Variants in PPP1R9A observed in about 807,000 individuals in gnomAD.
The protein encoded by PPP1R9A is neurabin-1.
In PPP1R9A, 59 loss-of-function variants were observed where a neutral mutation model predicts 141.9. That is an observed-to-expected ratio of 0.42 (90% CI 0.34 to 0.52). The LOEUF (loss-of-function observed/expected upper bound fraction) is 0.52. Among genes scored for constraint, PPP1R9A ranks in the 20% least tolerant of loss-of-function variants. The pLI is 0.10. For missense variants in PPP1R9A, 1,444 were observed against 1,611.9 expected, an observed-to-expected ratio of 0.90 and a Z score of 1.78; for synonymous variants, 500 against 569.7, an observed-to-expected ratio of 0.88 and a Z score of 1.74.
chr7:95,061,565 A>G (rs1812233445), intron 2 of PPP1R9A, among the ~76,000 whole-genome samples: 1 of 151,998 alleles, frequency 6.6e-6, no homozygotes, highest in Admixed American at 6.6e-5. Context: ...GGGAGACTCC[A>G]TCTCTACAAA....
At position 95,025,514 on chromosome 7, in the gene PPP1R9A, T is replaced by C. The variant is rs182829699; in HGVS notation, c.1396-85745T>C. On this transcript the variant is annotated intron_variant, in intron 2 of 19. Transcript: ENST00000433360. Reference sequence around the variant, plus strand: ...CTGGCTGCCCTTAACATTTTTTCCTTTATTTCAACCTTGGTGAATCTGACG... The same window carrying C: ...CTGGCTGCCCTTAACATTTTTTCCTCTATTTCAACCTTGGTGAATCTGACG... 8.5e-5 allele frequency among the ~76,000 whole-genome samples: 13 copies of C among 152,292 alleles called. No homozygotes were observed. In the East Asian group the frequency reaches 2.5e-3, roughly 29 times the overall value.
intron 2 of PPP1R9A, among the ~76,000 whole-genome samples, chr7:94,984,166 T>C (rs1800498715): frequency 6.6e-6 from 1 of 152,236 alleles, no homozygotes; most frequent in Non-Finnish European, 1.5e-5. Flanking sequence ...CAGCCTTGCA[T>C]CCCAGGGATG....
intron 4 of PPP1R9A, among the ~76,000 whole-genome samples, chr7:95,123,980 A>G (rs1241043507): frequency 6.6e-6 from 1 of 152,166 alleles, no homozygotes; most frequent in Admixed American, 6.5e-5. Context: ...AAAATTTTAG[A>G]GGTCAGAGAA....
At chr7:94,944,290 A>T (rs1252489617) in intron 2 of PPP1R9A, among the ~76,000 whole-genome samples, 1 of 152,032 alleles carries the variant, frequency 6.6e-6, no homozygotes, top group African/African-American at 2.4e-5. Flanking sequence ...CTACTCTAAC[A>T]CATATCCCCT....
At chr7:95,209,057 C>A (rs570335812) in intron 7 of PPP1R9A, among the ~76,000 whole-genome samples, 25 of 150,818 alleles carry the variant, frequency 1.7e-4, no homozygotes, top group African/African-American at 5.8e-4. Flanking sequence ...CAGAGGACTT[C>A]AATGAAAATG....
chr7:95,099,347 C>A (rs1407374572), intron 2 of PPP1R9A, among the ~76,000 whole-genome samples: 2 of 152,152 alleles, frequency 1.3e-5, no homozygotes, highest in Non-Finnish European at 2.9e-5. Flanking sequence ...CCAAGGCCAC[C>A]AATTTATTTC....
chr7:94,960,226 T>A (rs1260979638), intron 2 of PPP1R9A, among the ~76,000 whole-genome samples: 1 of 151,112 alleles, frequency 6.6e-6, no homozygotes, highest in Non-Finnish European at 1.5e-5. Flanking sequence ...GAAATCTTAC[T>A]GTTATTAAAA....
At position 95,252,687 on chromosome 7, in the gene PPP1R9A, C is replaced by T. The variant is rs150254800; in HGVS notation, c.2665+557C>T. On this transcript the variant is annotated intron_variant, in intron 12 of 19. Coordinates refer to ENST00000433360, the MANE Select transcript of PPP1R9A (RefSeq NM_001166160.2). ...TTTGCCTTGTTGGCCAGGCTGGTCT[C>T]GAACTCCTGACCTCAGGTGATCCAC... 3.6e-3 allele frequency among the ~76,000 whole-genome samples: 542 copies of T among 152,122 alleles called. 23 individuals carry two copies. The East Asian group carries it at 0.086, about 24-fold the overall frequency.
At chr7:94,951,422 A>G (rs1296072754) in intron 2 of PPP1R9A, among the ~76,000 whole-genome samples, 1 of 151,970 alleles carries the variant, frequency 6.6e-6, no homozygotes, top group Non-Finnish European at 1.5e-5. Context: ...CCATTTATTT[A>G]TTTGCCATGT....
At chr7:95,027,774 A>AGTTT (rs1563140010) in intron 2 of PPP1R9A, among the ~76,000 whole-genome samples, 1 of 152,152 alleles carries the variant, frequency 6.6e-6, no homozygotes, top group Non-Finnish European at 1.5e-5. Flanking sequence ...TTGTATCACG[A>AGTTT]TGGTAAGTAT....
intron 4 of PPP1R9A, among the ~76,000 whole-genome samples, chr7:95,145,371 A>C (rs569632823): frequency 6.6e-6 from 1 of 152,352 alleles, no homozygotes; most frequent in Admixed American, 6.5e-5. Flanking sequence ...GGATGCAAAT[A>C]AGCATGAGAA....
chr7:95,010,642 G>A (rs970480912), intron 2 of PPP1R9A, among the ~76,000 whole-genome samples: 2 of 152,064 alleles, frequency 1.3e-5, no homozygotes, highest in Non-Finnish European at 2.9e-5. Flanking sequence ...TAGCAAGATG[G>A]AGTAGTCCCT....
In PPP1R9A at chr7:95,152,784, A is replaced by G. The variant is rs149472704; in HGVS notation, c.1650-9083A>G. ...GGATAGGAACTTGATAATAATGCCT[A>G]TCATGCACAAGCAATTTAGGTGACT... On this transcript the variant is annotated intron_variant, in intron 4 of 19. Coordinates refer to ENST00000433360, the MANE Select transcript of PPP1R9A (RefSeq NM_001166160.2). 2.4e-3 allele frequency among the ~76,000 whole-genome samples: 368 copies of G among 151,368 alleles called. 1 individual carries two copies. Among genetic ancestry groups the G allele is most frequent in the African/African-American group, 8.5e-3 (349 of 41,172 alleles).
At chr7:95,261,689 C>T (rs190994032) in intron 12 of PPP1R9A, among the ~76,000 whole-genome samples, 4 of 152,196 alleles carry the variant, frequency 2.6e-5, no homozygotes, top group Admixed American at 2.6e-4. Context: ...AACTTTATTA[C>T]AAACTATTTC....
At chr7:95,086,605 G>A (rs1046616921) in intron 2 of PPP1R9A, among the ~76,000 whole-genome samples, 2 of 151,910 alleles carry the variant, frequency 1.3e-5, no homozygotes, top group Admixed American at 1.3e-4. Flanking sequence ...TCTAGAATGG[G>A]GAAACAGGGA....
intron 2 of PPP1R9A, among the ~76,000 whole-genome samples, chr7:95,031,464 A>G (rs2151816590): frequency 6.6e-6 from 1 of 152,334 alleles, no homozygotes; most frequent in Non-Finnish European, 1.5e-5. Flanking sequence ...AATCAGTATT[A>G]TAGAAACTGG....
At chr7:95,110,165 G>A (rs1488982764) in intron 2 of PPP1R9A, among the ~76,000 whole-genome samples, 1 of 151,990 alleles carries the variant, frequency 6.6e-6, no homozygotes, top group Non-Finnish European at 1.5e-5. Context: ...TGTATTTTTG[G>A]TTTATAGGTT....
At chr7:95,231,814 T>C (rs188246976) in intron 8 of PPP1R9A, among the ~76,000 whole-genome samples, 596 of 152,070 alleles carry the variant, frequency 3.9e-3, no homozygotes, top group Non-Finnish European at 6.2e-3. Flanking sequence ...ACTGACAATC[T>C]AAGGTCCCAC....
At position 95,182,384 on chromosome 7, in the gene PPP1R9A, G is replaced by C. The variant is rs551002361; in HGVS notation, c.1755-15965G>C. ...TGAATGACACATGAGTTTTTTAATA[G>C]ATATGCACGTTTATATTTGGATATA... On this transcript the variant is annotated intron_variant, in intron 5 of 19. Coordinates refer to ENST00000433360, the MANE Select transcript of PPP1R9A (RefSeq NM_001166160.2). Among the ~76,000 whole-genome samples, 9 of 152,056 alleles carry C rather than the reference G, an allele frequency of 5.9e-5. No individual in the cohort carries two copies. In the South Asian group the frequency reaches 1.9e-3, roughly 32 times the overall value.
Sources: allele counts gnomAD v4.1 joint callset (sites outside exome capture counted in the v4.1 genomes callset), GRCh38; gene constraint gnomAD v4.1.1; transcripts MANE v1.5; gene names NCBI Gene and HGNC (gene_info 2026-07-23, HGNC 2026-07-21).